DSCAML1: variants seen among roughly 807,000 people sequenced by gnomAD.
The protein encoded by DSCAML1 is DS cell adhesion molecule like 1.
In DSCAML1, 38 loss-of-function variants were observed where a neutral mutation model predicts 200.5. That is an observed-to-expected ratio of 0.19 (90% CI 0.15 to 0.25). The LOEUF (loss-of-function observed/expected upper bound fraction) is 0.25. Ranked by LOEUF, DSCAML1 falls within the 10% of genes least tolerant of loss-of-function variation. The probability of loss-of-function intolerance (pLI) is 1.00; values close to 1 mark genes in which losing one functional copy is unlikely to be tolerated. For missense variants in DSCAML1, 2,223 were observed against 2,858.8 expected (o/e 0.78, Z 5.07); for synonymous variants, 1,215 against 1,165.0 (o/e 1.04, Z -0.87).
rs202016901 is a variant in DSCAML1, at chr11:117,437,225, C to T, written c.4617G>A (p.Thr1539=). ...RANSSGEVFL[T]ELREATWYEL... is the part of the protein sequence containing the mutation. ...CGTACCACGTGGCCTCTCGCAGTTCCGTCAGAAACACCTCCCCGGAGCTGT... is the reference window on the plus strand; with the variant it reads ...CGTACCACGTGGCCTCTCGCAGTTCTGTCAGAAACACCTCCCCGGAGCTGT... The change falls in exon 26 of 33, where the codon ACG becomes ACA. Residue 1539 remains threonine (T), a synonymous_variant. Transcript: ENST00000651296. The surrounding 1 kb of genome is among the most constrained non-coding windows in gnomAD (Gnocchi z 5.3). The T allele has an allele frequency of 2.5e-5, 41 of 1,614,216 alleles. No homozygotes were observed. The highest frequency in any genetic ancestry group is 3.2e-5 in the Non-Finnish European group (38 of 1,180,050).
intron 3 of DSCAML1, among the ~76,000 whole-genome samples, chr11:117,745,571 G>C (rs1466982144): frequency 1.3e-5 from 2 of 152,162 alleles, no homozygotes; most frequent in African/African-American, 4.8e-5. Context: ...TGGGGCTGGG[G>C]GCTATGGGAT....
chr11:117,723,477 T>A (rs774977478), intron 3 of DSCAML1, among the ~76,000 whole-genome samples: 6 of 152,166 alleles, frequency 3.9e-5, no homozygotes, highest in Non-Finnish European at 7.3e-5. Flanking sequence ...TCCTCCTATA[T>A]CCAGAACATT....
At chr11:117,803,184 C>T (rs1367529839) in intron 1 of DSCAML1, among the ~76,000 whole-genome samples, 5 of 152,080 alleles carry the variant, frequency 3.3e-5, no homozygotes, top group African/African-American at 1.2e-4. Context: ...ACTGGGCCAG[C>T]TCACTGCGCT....
intron 8 of DSCAML1, among the ~76,000 whole-genome samples, chr11:117,512,681 CACACAT>C (rs1444454185): frequency 0.022 from 1,567 of 70,282 alleles, 30 homozygotes; most frequent in African/African-American, 0.067. Context: ...CACACACACA[CACACAT>C]GCCTGCTATG....
chr11:117,561,426 T>TA (rs1490585704), intron 3 of DSCAML1, among the ~76,000 whole-genome samples: 1 of 152,196 alleles, frequency 6.6e-6, no homozygotes, highest in Non-Finnish European at 1.5e-5. Context: ...CTCCTGCACT[T>TA]AAAATCCTGC....
At chr11:117,472,215 G>A (rs2048700621) in intron 14 of DSCAML1, among the ~76,000 whole-genome samples, 179 bp from the exon 15 acceptor site, 1 of 152,198 alleles carries the variant, frequency 6.6e-6, no homozygotes, top group African/African-American at 2.4e-5. Flanking sequence ...TCTGTCCCAT[G>A]CAGCTCCAGC....
At chr11:117,495,367 A>G (rs2049270848) in intron 11 of DSCAML1, among the ~76,000 whole-genome samples, 1 of 152,180 alleles carries the variant, frequency 6.6e-6, no homozygotes, top group Admixed American at 6.5e-5. Flanking sequence ...GCAAACACAG[A>G]CAGGAGAAGA....
intron 3 of DSCAML1, among the ~76,000 whole-genome samples, chr11:117,669,716 C>T (rs1428237157): frequency 1.3e-5 from 2 of 152,232 alleles, no homozygotes; most frequent in African/African-American, 2.4e-5. Context: ...GACATTTACA[C>T]TGAGACCTGA....
At chr11:117,512,084 A>C (rs117604511) in intron 8 of DSCAML1, among the ~76,000 whole-genome samples, 1,989 of 152,290 alleles carry the variant, frequency 0.013, 24 homozygotes, top group Non-Finnish European at 0.02. Context: ...CACCCTGCCC[A>C]CTGACCCTTG....
chr11:117,661,176 G>C (rs1278582314), intron 3 of DSCAML1, among the ~76,000 whole-genome samples: 2 of 152,142 alleles, frequency 1.3e-5, no homozygotes, highest in African/African-American at 4.8e-5. Flanking sequence ...GCCTTCTCCG[G>C]GTTGATGATC....
chr11:117,572,914 G>T (rs2050871056), intron 3 of DSCAML1, among the ~76,000 whole-genome samples: 2 of 152,326 alleles, frequency 1.3e-5, no homozygotes, highest in African/African-American at 4.8e-5. Context: ...CGGGGGCAGA[G>T]GGAGAGGAGA....
At chr11:117,670,903 G>A (rs1251044623) in intron 3 of DSCAML1, among the ~76,000 whole-genome samples, 1 of 152,138 alleles carries the variant, frequency 6.6e-6, no homozygotes, top group East Asian at 1.9e-4. Flanking sequence ...CTTGACAGAA[G>A]GGAAGGCACC....
At chr11:117,771,989 G>A (rs1325972750) in intron 3 of DSCAML1, among the ~76,000 whole-genome samples, 6 of 152,060 alleles carry the variant, frequency 3.9e-5, no homozygotes, top group Non-Finnish European at 8.8e-5. Context: ...TAGAAATAAC[G>A]GACTAGGACG....
intron 3 of DSCAML1, among the ~76,000 whole-genome samples, chr11:117,775,967 C>G (rs11824502): frequency 0.089 from 13,612 of 152,164 alleles, 721 homozygotes; most frequent in African/African-American, 0.14. Context: ...GCATGGGAAA[C>G]AAAGGTCCTG....
At chr11:117,687,320 A>G (rs78659090) in intron 3 of DSCAML1, among the ~76,000 whole-genome samples, 21,218 of 151,742 alleles carry the variant, frequency 0.14, 2,217 homozygotes, top group African/African-American at 0.29. Context: ...GAGTGCAGTG[A>G]TGCAATCATG....
At chr11:117,519,143 TTTC>T (rs1489499958) in intron 6 of DSCAML1, among the ~76,000 whole-genome samples, 1 of 152,236 alleles carries the variant, frequency 6.6e-6, no homozygotes, top group Non-Finnish European at 1.5e-5. Flanking sequence ...CGCTTTGTAA[TTTC>T]TTGATAAATG....
upstream of DSCAML1, among the ~76,000 whole-genome samples, chr11:117,799,510 G>A (rs528728279): frequency 8.5e-5 from 13 of 152,358 alleles, no homozygotes; most frequent in East Asian, 3.9e-4. Context: ...CCCGAAGGGC[G>A]AGGTCATTCA....
intron 3 of DSCAML1, among the ~76,000 whole-genome samples, chr11:117,574,164 C>T (rs2050894719): frequency 6.6e-6 from 1 of 152,216 alleles, no homozygotes; most frequent in African/African-American, 2.4e-5. Context: ...ACTTTCTCCC[C>T]TGGGGGATCC....
intron 3 of DSCAML1, among the ~76,000 whole-genome samples, chr11:117,536,520 G>A (rs983543579): frequency 2.6e-5 from 4 of 152,248 alleles, no homozygotes; most frequent in African/African-American, 9.6e-5. Context: ...TGGACAGGTT[G>A]GGGGAGGTGG....
Sources: gnomAD v4.1 joint callset for allele counts (sites outside exome capture counted in the v4.1 genomes callset) on GRCh38, gnomAD v4.1.1 for gene constraint, Gnocchi (gnomAD v3.1) non-coding constraint, MANE v1.5 for transcripts, NCBI Gene and HGNC (gene_info 2026-07-23, HGNC 2026-07-21) for gene names.